The following C9orf85 variants were observed in gnomAD, a reference collection of about 807,000 sequenced individuals.
The protein encoded by C9orf85 is chromosome 9 open reading frame 85, also known as uncharacterized protein C9orf85.
C9orf85 carries 16 observed loss-of-function variants against 14.9 expected under a neutral mutation model. The observed-to-expected ratio is 1.08, with a 90% CI of 0.73 to 1.63. The LOEUF (loss-of-function observed/expected upper bound fraction) is 1.63. Among genes scored for constraint, C9orf85 ranks in the 40% most tolerant of loss-of-function variants. C9orf85 has a pLI of 0.00. For missense variants in C9orf85, 172 were observed against 186.1 expected, an observed-to-expected ratio of 0.92 and a Z score of 0.44; for synonymous variants, 45 against 56.8, an observed-to-expected ratio of 0.79 and a Z score of 0.93.
chr9:71,941,556 T>C (rs1192759399), intron 1 of C9orf85, among the ~76,000 whole-genome samples: 1 of 152,190 alleles, frequency 6.6e-6, no homozygotes, highest in African/African-American at 2.4e-5. Flanking sequence ...CATGAGAAAA[T>C]GGACAAATCC....
rs1822727471 is a variant in C9orf85 at position 71,967,605 on chromosome 9, T to C, written c.210-3900T>C. Reference sequence around the variant, plus strand: ...GTGATTTTATTAAACTCACTGTTTATGTCCAGTTCATTTTAAAAAATAGAT... The same window carrying C: ...GTGATTTTATTAAACTCACTGTTTACGTCCAGTTCATTTTAAAAAATAGAT... On this transcript the variant is annotated intron_variant, in intron 2 of 3. Coordinates refer to ENST00000334731, the MANE Select transcript of C9orf85 (RefSeq NM_182505.5). Among the ~76,000 whole-genome samples the C allele has an allele frequency of 2.0e-5, 3 of 152,218 alleles. 1 individual carries two copies. In the South Asian group the frequency reaches 6.2e-4, roughly 31 times the overall value.
At chr9:71,933,645 T>C (rs146303799) in intron 1 of C9orf85, among the ~76,000 whole-genome samples, 2 of 152,316 alleles carry the variant, frequency 1.3e-5, no homozygotes, top group East Asian at 1.9e-4. Flanking sequence ...AAGGAAGTTA[T>C]ATTCAGGAGA....
intron 1 of C9orf85, among the ~76,000 whole-genome samples, chr9:71,919,811 G>A (rs749205408): frequency 4.4e-4 from 66 of 150,684 alleles, no homozygotes; most frequent in Non-Finnish European, 3.7e-4. Context: ...AGATTCCCAG[G>A]TTGCTTCCAC....
Position 71,972,218 on chromosome 9 carries a change from T to C in C9orf85, c.324-474T>C, listed in dbSNP as rs1243380158. The stretch of plus-strand genomic sequence containing the variant: ...ATTAATTTATTTGAGCCTACTTTAG[T>C]GACAATAGTATTATAATTGGTTGGA... On this transcript the variant is annotated intron_variant, in intron 3 of 3. Coordinates refer to ENST00000334731, the MANE Select transcript of C9orf85 (RefSeq NM_182505.5). Among the ~76,000 whole-genome samples, 5 of 152,180 alleles carry C rather than the reference T, an allele frequency of 3.3e-5. No individual in the cohort carries two copies. The East Asian group carries it at 7.7e-4, about 23-fold the overall frequency.
At chr9:71,925,618 T>C (rs1028799093) in intron 1 of C9orf85, among the ~76,000 whole-genome samples, 2 of 151,834 alleles carry the variant, frequency 1.3e-5, no homozygotes, top group Non-Finnish European at 1.5e-5. Flanking sequence ...TGGGAAAAAA[T>C]ATAGGGAGGC....
At chr9:71,981,847 A>T (rs377373391) in intron 3 of C9orf85, among the ~76,000 whole-genome samples, 2 of 152,218 alleles carry the variant, frequency 1.3e-5, no homozygotes, top group African/African-American at 4.8e-5. Context: ...GTTAAATTGT[A>T]TGAAAGCTTT....
At chr9:71,954,193 A>G (rs140329522) in intron 2 of C9orf85, among the ~76,000 whole-genome samples, 2 of 146,080 alleles carry the variant, frequency 1.4e-5, no homozygotes, top group East Asian at 2.1e-4. Flanking sequence ...TAGCAGCAGG[A>G]GGCTAAGAGA....
intron 1 of C9orf85, 35 bp downstream of exon 1, chr9:71,911,871 A>C: frequency 6.3e-7 from 1 of 1,579,820 alleles, no homozygotes; most frequent in Middle Eastern, 1.7e-4. Context: ...CTTTGACTCC[A>C]GGAAGGAATG....
chr9:71,912,473 C>T (rs769134868), intron 1 of C9orf85, among the ~76,000 whole-genome samples: 2 of 152,084 alleles, frequency 1.3e-5, no homozygotes, highest in Non-Finnish European at 2.9e-5. Flanking sequence ...GGCCGGGCGC[C>T]GTGGCTCAAA....
chr9:71,975,976 G>A (rs528763832), downstream of C9orf85, among the ~76,000 whole-genome samples: 1 of 152,280 alleles, frequency 6.6e-6, no homozygotes, highest in East Asian at 1.9e-4. Context: ...CCATGTGAAT[G>A]AATACTAATT....
chr9:71,946,340 T>A (rs555406842), intron 1 of C9orf85, among the ~76,000 whole-genome samples: 1 of 152,344 alleles, frequency 6.6e-6, no homozygotes, highest in African/African-American at 2.4e-5. Flanking sequence ...AGGATTTGAA[T>A]TGTTGAAATG....
intron 1 of C9orf85, among the ~76,000 whole-genome samples, chr9:71,926,562 G>A (rs757991562): frequency 4.1e-5 from 6 of 145,250 alleles, no homozygotes; most frequent in African/African-American, 1.0e-4. Context: ...CCCGAAACCC[G>A]AAGTATCCTA....
chr9:71,912,771 C>G (rs769374249), intron 1 of C9orf85, among the ~76,000 whole-genome samples: 7 of 152,134 alleles, frequency 4.6e-5, no homozygotes, highest in Non-Finnish European at 1.0e-4. Context: ...GTAATCCCAG[C>G]TACTCGGGAG....
At chr9:71,968,420 TAA>T (rs57657282) in intron 2 of C9orf85, among the ~76,000 whole-genome samples, 17 of 142,244 alleles carry the variant, frequency 1.2e-4, no homozygotes, top group African/African-American at 2.8e-4. Flanking sequence ...GAGTTTTCCT[TAA>T]AAAAAAAAAA....
chr9:71,954,047 A>G (rs1168329053), intron 2 of C9orf85, among the ~76,000 whole-genome samples: 1 of 150,778 alleles, frequency 6.6e-6, no homozygotes, highest in Non-Finnish European at 1.5e-5. Context: ...TGGGCAGTCA[A>G]GGCAGCAGTG....
At chr9:71,925,387 G>A (rs984352292) in intron 1 of C9orf85, among the ~76,000 whole-genome samples, 1 of 152,132 alleles carries the variant, frequency 6.6e-6, no homozygotes, top group Non-Finnish European at 1.5e-5. Context: ...ATGCATGTTG[G>A]TACACGCCTA....
intron 2 of C9orf85, among the ~76,000 whole-genome samples, chr9:71,951,858 A>G (rs1822252513): frequency 6.6e-6 from 1 of 152,158 alleles, no homozygotes; most frequent in Admixed American, 6.5e-5. Flanking sequence ...TCTTATAAAT[A>G]TAAAACAATC....
chr9:71,938,668 G>A (rs781515635), intron 1 of C9orf85, among the ~76,000 whole-genome samples: 2 of 151,790 alleles, frequency 1.3e-5, no homozygotes, highest in Non-Finnish European at 2.9e-5. Context: ...TTTTTACTAT[G>A]AGATTTTGCA....
At chr9:71,965,303 C>G (rs1022622778) in intron 2 of C9orf85, among the ~76,000 whole-genome samples, 9 of 152,130 alleles carry the variant, frequency 5.9e-5, no homozygotes, top group African/African-American at 2.2e-4. Flanking sequence ...AGTGAGCTCT[C>G]TTTACTACCT....
Sources: allele counts gnomAD v4.1 joint callset (sites outside exome capture counted in the v4.1 genomes callset), GRCh38; gene constraint gnomAD v4.1.1; transcripts MANE v1.5; gene names NCBI Gene and HGNC (gene_info 2026-07-23, HGNC 2026-07-21).